The following TMEM267 variants were observed in gnomAD, a reference collection of about 807,000 sequenced individuals.
TMEM267 encodes the protein transmembrane protein 267.
In TMEM267, 20 loss-of-function variants were observed where a neutral mutation model predicts 19.3. The observed-to-expected ratio is 1.04, with a 90% CI of 0.73 to 1.51. The LOEUF (loss-of-function observed/expected upper bound fraction) is 1.51, where lower values mean the gene tolerates loss of function less well. Ranked by LOEUF, TMEM267 falls within the 40% of genes most tolerant of loss-of-function variation. The pLI, the probability that TMEM267 is intolerant of heterozygous loss-of-function variation, is 0.00. For missense variants in TMEM267, 242 were observed against 261.9 expected, an observed-to-expected ratio of 0.92 and a Z score of 0.52; for synonymous variants, 88 against 90.3, an observed-to-expected ratio of 0.97 and a Z score of 0.15.
intron 1 of TMEM267, among the ~76,000 whole-genome samples, chr5:43,482,742 C>T (rs1263746609): frequency 6.6e-6 from 1 of 152,168 alleles, no homozygotes; most frequent in African/African-American, 2.4e-5. Flanking sequence ...TTTGTCACAC[C>T]CCATCCCCCT....
intron 1 of TMEM267, among the ~76,000 whole-genome samples, chr5:43,475,213 T>C (rs1744339421): frequency 6.6e-6 from 1 of 152,222 alleles, no homozygotes; most frequent in Non-Finnish European, 1.5e-5. Flanking sequence ...TGAACTCATG[T>C]CCTTTGCAGG....
At chr5:43,452,568 T>C (rs919260799) in intron 2 of TMEM267, among the ~76,000 whole-genome samples, 1 of 146,372 alleles carries the variant, frequency 6.8e-6, no homozygotes, top group East Asian at 1.9e-4. Context: ...ACAACTGTGC[T>C]TGTGGCCCTA....
At chr5:43,461,366 G>A (rs1240425089) in intron 1 of TMEM267, among the ~76,000 whole-genome samples, 1 of 152,162 alleles carries the variant, frequency 6.6e-6, no homozygotes, top group Non-Finnish European at 1.5e-5. Flanking sequence ...ATCAGCTGTG[G>A]TGGCTATGGG....
chr5:43,476,799 G>A (rs572202270), intron 1 of TMEM267, among the ~76,000 whole-genome samples: 2 of 151,512 alleles, frequency 1.3e-5, no homozygotes, highest in Admixed American at 6.6e-5. Context: ...AATTGGTAGA[G>A]GAATGATGTA....
chr5:43,480,166 C>T (rs766710436), intron 1 of TMEM267, among the ~76,000 whole-genome samples: 27 of 152,166 alleles, frequency 1.8e-4, no homozygotes, highest in Non-Finnish European at 3.1e-4. Flanking sequence ...ATATTCCCCT[C>T]CTTCAATAAA....
intron 1 of TMEM267, among the ~76,000 whole-genome samples, chr5:43,455,985 G>A (rs796228382): frequency 7.3e-5 from 11 of 150,752 alleles, no homozygotes; most frequent in African/African-American, 2.7e-4. Context: ...ACAGATGTGT[G>A]TCACCATGCC....
At chr5:43,481,586 G>C in intron 1 of TMEM267, among the ~76,000 whole-genome samples, 1 of 152,026 alleles carries the variant, frequency 6.6e-6, no homozygotes, top group East Asian at 1.9e-4. Flanking sequence ...TTTACGAATA[G>C]GAACACATAT....
rs1241141340 is a variant in TMEM267 at position 43,446,551 on chromosome 5, A to G, written c.319T>C (p.Leu107=). 2 of 1,604,440 alleles carry G rather than the reference A, an allele frequency of 1.2e-6. No homozygotes were observed. Among genetic ancestry groups the G allele is most frequent in the South Asian group, 2.2e-5 (2 of 89,944 alleles). Reference sequence around the variant, plus strand: ...AGGAAAGGTCTTCGCGGGAGAGTCAAAGCAGCCTGAGGGAGCAAAGTAATA... The same window carrying G: ...AGGAAAGGTCTTCGCGGGAGAGTCAGAGCAGCCTGAGGGAGCAAAGTAATA... ...LAGSMSLKAA[L]TLPRRPFLHC... The change falls in exon 3 of 3, where the codon TTG becomes CTG. Residue 107 remains leucine (L), a synonymous_variant. Coordinates refer to ENST00000397080, the MANE Select transcript of TMEM267 (RefSeq NM_022483.5).
chr5:43,465,417 G>T (rs1743592489), intron 1 of TMEM267, among the ~76,000 whole-genome samples: 1 of 152,166 alleles, frequency 6.6e-6, no homozygotes, highest in Non-Finnish European at 1.5e-5. Context: ...ATTCCTCTGG[G>T]ATCTAGAACT....
At chr5:43,464,012 A>G (rs1743447152) in intron 1 of TMEM267, among the ~76,000 whole-genome samples, 2 of 152,306 alleles carry the variant, frequency 1.3e-5, no homozygotes, top group African/African-American at 4.8e-5. Flanking sequence ...AGGAAGTCAA[A>G]TTGTTCCTGT....
chr5:43,452,449 A>T (rs1350246295), intron 2 of TMEM267, among the ~76,000 whole-genome samples: 1 of 152,146 alleles, frequency 6.6e-6, no homozygotes, highest in Non-Finnish European at 1.5e-5. Context: ...AGACTCCAAG[A>T]GGTGGGAGAG....
chr5:43,445,174 A>C lies in TMEM267; in HGVS notation c.*1048T>G, dbSNP rs1742174717. ...GCAACTAAATTTTCCTTCTCTAATA[A>C]AGAGGAATCATTTTAATAGAAGATC... is the stretch of plus-strand genomic sequence containing the variant. On this transcript the variant is annotated 3_prime_UTR_variant, in exon 3 of 3. Transcript: ENST00000397080. The C allele has an allele frequency of 6.6e-6, 1 of 152,206 alleles. No homozygotes were observed. The highest frequency in any genetic ancestry group is 1.5e-5 in the Non-Finnish European group (1 of 68,026). 9.4% of individuals were successfully genotyped at this position (152,206 alleles called of 1,614,324 possible).
intron 1 of TMEM267, among the ~76,000 whole-genome samples, chr5:43,479,540 C>T: frequency 6.6e-6 from 1 of 151,906 alleles, no homozygotes; most frequent in South Asian, 2.1e-4. Context: ...TTAATATGCA[C>T]ATTAAATATA....
At chr5:43,480,663 A>G (rs1744701240) in intron 1 of TMEM267, among the ~76,000 whole-genome samples, 1 of 151,922 alleles carries the variant, frequency 6.6e-6, no homozygotes, top group Admixed American at 6.6e-5. Flanking sequence ...CAGAAGGAAG[A>G]CAAAAATAAA....
At chr5:43,463,699 A>G (rs1345742911) in intron 1 of TMEM267, among the ~76,000 whole-genome samples, 1 of 152,250 alleles carries the variant, frequency 6.6e-6, no homozygotes, top group East Asian at 1.9e-4. Context: ...AGCAAAGCCA[A>G]AAACCACATG....
intron 1 of TMEM267, among the ~76,000 whole-genome samples, 165 bp from the exon 2 acceptor site, chr5:43,454,208 A>ATTTTTT (rs374076278): frequency 7.5e-6 from 1 of 133,656 alleles, no homozygotes; most frequent in Non-Finnish European, 1.6e-5. Flanking sequence ...AGGAGAATAG[A>ATTTTTT]TTTTTTTTTT....
In TMEM267 at chr5:43,483,831, T is replaced by A. The variant is rs1476504154; in HGVS notation, c.-84A>T. ...GCTCAGCCATACCCACCCCGGCTTCTCTGAGTTCAATCCAGCAGCAGCTCG... is the reference window on the plus strand; with the variant it reads ...GCTCAGCCATACCCACCCCGGCTTCACTGAGTTCAATCCAGCAGCAGCTCG... On this transcript the variant is annotated 5_prime_UTR_variant, in exon 1 of 3. Coordinates refer to ENST00000397080, the MANE Select transcript of TMEM267 (RefSeq NM_022483.5). 6.6e-6 allele frequency: 1 copy of A among 152,310 alleles called. No individual in the cohort carries two copies. Among genetic ancestry groups the A allele is most frequent in the Non-Finnish European group, 1.5e-5 (1 of 68,186 alleles). The allele number at this position is 152,310 out of a possible 1,614,324, so 9.4% of individuals were successfully genotyped here. A position where few individuals can be genotyped will look rare whatever the true frequency, so the allele number is the denominator to read the frequency against.
rs556269705 is a variant in TMEM267 at position 43,450,312 on chromosome 5, A to G, written c.312+3346T>C. Among the ~76,000 whole-genome samples the G allele has an allele frequency of 2.0e-5, 3 of 152,252 alleles. No individual in the cohort carries two copies. The South Asian group carries it at 6.2e-4, about 32-fold the overall frequency. On this transcript the variant is annotated intron_variant, in intron 2 of 2. Transcript: ENST00000397080. Reference sequence around the variant, plus strand: ...TGGCCTTTGATTTTTTTATTAATAGAAAAACAATGAATAATGAAAGAAAAT... The same window carrying G: ...TGGCCTTTGATTTTTTTATTAATAGGAAAACAATGAATAATGAAAGAAAAT...
chr5:43,456,801 A>G (rs1742979726), intron 1 of TMEM267, among the ~76,000 whole-genome samples: 1 of 152,238 alleles, frequency 6.6e-6, no homozygotes, highest in Admixed American at 6.5e-5. Context: ...TGGTCGGAAT[A>G]AAAAACAGTA....
Sources: allele counts gnomAD v4.1 joint callset (sites outside exome capture counted in the v4.1 genomes callset), GRCh38; gene constraint gnomAD v4.1.1; transcripts MANE v1.5; gene names NCBI Gene and HGNC (gene_info 2026-07-23, HGNC 2026-07-21).